The following LMAN1L variants were observed in gnomAD, a reference collection of about 807,000 sequenced individuals.
LMAN1L encodes the protein protein ERGIC-53-like.
In LMAN1L, 60 loss-of-function variants were observed where a neutral mutation model predicts 58.3. The ratio of observed to expected loss-of-function variants is 1.03; its 90% confidence interval spans 0.84 to 1.27. The LOEUF is 1.27. LMAN1L is among the 50% of genes most tolerant of loss of function. The probability of loss-of-function intolerance (pLI) is 0.00; values close to 1 mark genes in which losing one functional copy is unlikely to be tolerated. For missense variants in LMAN1L, 629 were observed against 674.0 expected (o/e 0.93, Z 0.74); for synonymous variants, 280 against 271.6 (o/e 1.03, Z -0.31).
In LMAN1L at chr15:74,817,591, G is replaced by C. The variant is rs1000343289; in HGVS notation, c.497+901G>C. The stretch of plus-strand genomic sequence containing the variant: ...AGCCGACCTGTCAGGGAGGCAGCCT[G>C]GTCACATTGTCCTTGGCTGCCGGGA... On this transcript the variant is annotated intron_variant, in intron 4 of 13. Transcript: ENST00000309664. 5.3e-5 allele frequency among the ~76,000 whole-genome samples: 8 copies of C among 152,340 alleles called. 1 individual carries two copies. In the East Asian group the frequency reaches 9.6e-4, roughly 18 times the overall value.
At chr15:74,824,296 C>T (rs2063930943) in intron 12 of LMAN1L, 55 bp from the exon 13 acceptor site, 1 of 1,563,832 alleles carries the variant, frequency 6.4e-7, no homozygotes. Flanking sequence ...ATTCCAGGTC[C>T]CCCACTCCTT....
chr15:74,816,798 T>G, intron 4 of LMAN1L, 108 bp downstream of exon 4: 1 of 1,083,154 alleles, frequency 9.2e-7, no homozygotes, highest in Non-Finnish European at 1.3e-6. Context: ...GGGCCCACCC[T>G]GCCGGGCCGC....
At chr15:74,824,619 A>T in intron 13 of LMAN1L, 141 bp downstream of exon 13, 1 of 969,774 alleles carries the variant, frequency 1.0e-6, no homozygotes, top group South Asian at 1.5e-5. Context: ...ACAGTGCGGG[A>T]TAGGGCCCAT....
intron 4 of LMAN1L, among the ~76,000 whole-genome samples, chr15:74,817,297 TCA>T (rs2063896119): frequency 2.0e-5 from 3 of 152,060 alleles, no homozygotes; most frequent in African/African-American, 4.8e-5. Context: ...TAGTTAACCC[TCA>T]TAACATTGTT....
chr15:74,816,850 CT>C (rs1055960921), intron 4 of LMAN1L, among the ~76,000 whole-genome samples, 160 bp downstream of exon 4: 11 of 152,198 alleles, frequency 7.2e-5, no homozygotes, highest in African/African-American at 2.7e-4. Context: ...GTCCGCCCCC[CT>C]GGGGCTTGAT....
At chr15:74,822,556 A>G in intron 10 of LMAN1L, 86 bp from the exon 11 acceptor site, 1 of 1,063,354 alleles carries the variant, frequency 9.4e-7, no homozygotes. Context: ...TCTGGAAGGA[A>G]GAGGCTGCAG....
In LMAN1L at chr15:74,812,853, C is replaced by T. The variant is rs760015596; in HGVS notation, c.-2C>T. 1.9e-6 allele frequency: 3 copies of T among 1,591,206 alleles called. No individual in the cohort carries two copies. Among genetic ancestry groups the T allele is most frequent in the South Asian group, 1.1e-5 (1 of 88,660 alleles). ...GGGGCCCAGACTTCAGGCGCCTTCA[C>T]GATGCCGGCGGTCAGTGGTCCAGGT... On this transcript the variant is annotated 5_prime_UTR_variant, in exon 1 of 14. In the 5' UTR this introduces an upstream ATG that the reference lacks. Coordinates refer to ENST00000309664, the MANE Select transcript of LMAN1L (RefSeq NM_021819.3).
intron 5 of LMAN1L, 101 bp downstream of exon 5, chr15:74,818,918 G>T: frequency 8.9e-7 from 1 of 1,128,812 alleles, no homozygotes. Flanking sequence ...CACCACGTGA[G>T]GTCCCTGGCA....
In LMAN1L at chr15:74,819,160, G is replaced by C; in HGVS notation, c.606G>C (p.Leu202Phe). ...TYWGQRLRMSLNSGLTPSDPG... is the reference protein window; with the variant it reads ...TYWGQRLRMSFNSGLTPSDPG... Reference sequence around the variant, plus strand: ...CTCTCCATGTCCCTCAGATGTCCTTGAACAGTGGCCTCACTCCCAGTGATC... The same window carrying C: ...CTCTCCATGTCCCTCAGATGTCCTTCAACAGTGGCCTCACTCCCAGTGATC... Residue 202 changes from leucine (L) to phenylalanine (F), a missense_variant, in exon 6 of 14, where the codon TTG becomes TTC. Leu to Phe is a conservative substitution (Grantham distance 22). Coordinates refer to ENST00000309664, the MANE Select transcript of LMAN1L (RefSeq NM_021819.3). 6 of 1,612,210 alleles carry C rather than the reference G, an allele frequency of 3.7e-6. No homozygotes were observed. The highest frequency in any genetic ancestry group is 5.1e-6 in the Non-Finnish European group (6 of 1,178,956).
At chr15:74,824,584 G>T (rs747507410) in intron 13 of LMAN1L, 106 bp downstream of exon 13, 35 of 1,309,416 alleles carry the variant, frequency 2.7e-5, no homozygotes, top group Non-Finnish European at 3.6e-5. Context: ...GAGGGGACCT[G>T]CCGAGTCCCC....
chr15:74,823,431 G>T, intron 11 of LMAN1L, 128 bp from the exon 12 acceptor site: 1 of 1,004,164 alleles, frequency 1.0e-6, no homozygotes, highest in Admixed American at 2.2e-5. Context: ...CCCCCAAGAA[G>T]GGGCCCCATG....
rs929832365 is a variant in LMAN1L, at chr15:74,812,884, A to T, written c.30A>T (p.Leu10Phe). The T allele has an allele frequency of 2.5e-6, 4 of 1,611,914 alleles. No homozygotes were observed. Among genetic ancestry groups the T allele is most frequent in the Admixed American group, 3.3e-5 (2 of 59,742 alleles). The change falls in exon 1 of 14, where the codon TTA becomes TTT. Residue 10 changes from leucine (L) to phenylalanine (F), a missense_variant. Physicochemically the swap from Leu to Phe is conservative, Grantham distance 22. Transcript: ENST00000309664. ...CGGCGGTCAGTGGTCCAGGTCCCTT[A>T]TTCTGCCTTCTCCTCCTGCTCCTGG... MPAVSGPGP[L>F]FCLLLLLLDP...
chr15:74,814,574 C>T (rs1177529163), intron 1 of LMAN1L, among the ~76,000 whole-genome samples: 1 of 152,154 alleles, frequency 6.6e-6, no homozygotes, highest in Non-Finnish European at 1.5e-5. Flanking sequence ...GGGGTTTCAC[C>T]TTGTTAGCCA....
intron 4 of LMAN1L, among the ~76,000 whole-genome samples, chr15:74,816,976 G>C (rs1033607908): frequency 6.6e-6 from 1 of 152,124 alleles, no homozygotes; most frequent in Non-Finnish European, 1.5e-5. Flanking sequence ...GGGGTTATTC[G>C]TCCCATTTAC....
chr15:74,823,140 C>T (rs866225960), intron 11 of LMAN1L, among the ~76,000 whole-genome samples: 1 of 152,148 alleles, frequency 6.6e-6, no homozygotes, highest in Non-Finnish European at 1.5e-5. Flanking sequence ...TAGGCCAGGC[C>T]TCTGGAGCCC....
intron 1 of LMAN1L, among the ~76,000 whole-genome samples, chr15:74,814,124 CA>C (rs550948566): frequency 0.031 from 1,970 of 64,140 alleles, 30 homozygotes; most frequent in East Asian, 0.13. Flanking sequence ...GACTCTGGCT[CA>C]AAAAAAAAAA....
intron 1 of LMAN1L, chr15:74,813,265 G>A: frequency 4.6e-6 from 3 of 647,166 alleles, no homozygotes; most frequent in Non-Finnish European, 8.6e-6. Context: ...CCCTGCCCCA[G>A]GACTTCTCTC....
intron 7 of LMAN1L, 91 bp from the exon 8 acceptor site, chr15:74,820,544 G>T: frequency 6.5e-7 from 1 of 1,547,600 alleles, no homozygotes; most frequent in African/African-American, 1.4e-5. Flanking sequence ...AGGGAGGAAG[G>T]CTGGGCTCGT....
chr15:74,816,577 C>T (rs777655438), intron 3 of LMAN1L, 43 bp downstream of exon 3: 1 of 1,590,822 alleles, frequency 6.3e-7, no homozygotes, highest in Admixed American at 1.7e-5. Flanking sequence ...TGCCCGCTCA[C>T]ACCCTCCCCC....
Sources: gnomAD v4.1 joint callset for allele counts (sites outside exome capture counted in the v4.1 genomes callset) on GRCh38, gnomAD v4.1.1 for gene constraint, MANE v1.5 for transcripts, NCBI Gene and HGNC (gene_info 2026-07-23, HGNC 2026-07-21) for gene names.